Variants in AAMDC observed in about 807,000 individuals in gnomAD.
AAMDC encodes adipogenesis associated Mth938 domain containing.
AAMDC carries 16 observed loss-of-function variants against 15.5 expected under a neutral mutation model. The ratio of observed to expected loss-of-function variants is 1.03; its 90% CI spans 0.70 to 1.57. The LOEUF is 1.57. Among genes scored for constraint, AAMDC ranks in the 40% most tolerant of loss-of-function variants. AAMDC has a pLI of 0.00. For missense variants in AAMDC, 141 were observed against 144.9 expected, an observed-to-expected ratio of 0.97 and a Z score of 0.14; for synonymous variants, 51 against 51.6, an observed-to-expected ratio of 0.99 and a Z score of 0.05.
intron 5 of AAMDC, among the ~76,000 whole-genome samples, chr11:77,880,485 C>A (rs1951750247): frequency 6.6e-6 from 1 of 152,184 alleles, no homozygotes; most frequent in African/African-American, 2.4e-5. Flanking sequence ...CATGCAGCAG[C>A]CATGAGTGTA....
chr11:77,843,746 C>T (rs1950028049), intron 2 of AAMDC, among the ~76,000 whole-genome samples: 1 of 152,218 alleles, frequency 6.6e-6, no homozygotes, highest in South Asian at 2.1e-4. Flanking sequence ...TGTATTAATT[C>T]ATTTTCATTA....
intron 1 of AAMDC, among the ~76,000 whole-genome samples, chr11:77,828,390 G>A (rs111422202): frequency 0.031 from 4,642 of 152,016 alleles, 97 homozygotes; most frequent in Non-Finnish European, 0.044. Context: ...AATTATAGCC[G>A]GGTGCGGTGG....
chr11:77,849,746 T>G (rs891788304), intron 2 of AAMDC, among the ~76,000 whole-genome samples: 1 of 152,252 alleles, frequency 6.6e-6, no homozygotes. Context: ...TCTTTTTATC[T>G]TCCAAACCTG....
chr11:77,876,924 C>A, downstream of AAMDC: 3 of 702,610 alleles, frequency 4.3e-6, no homozygotes, highest in South Asian at 4.4e-5. Flanking sequence ...CAGGCAGCAG[C>A]CATGGTTCTT....
intron 5 of AAMDC, among the ~76,000 whole-genome samples, chr11:77,889,832 G>A (rs1238192531): frequency 2.0e-5 from 3 of 152,184 alleles, no homozygotes; most frequent in Non-Finnish European, 2.9e-5. Context: ...TTAGCCTTGC[G>A]TGTGGTAGAG....
At chr11:77,832,199 T>G (rs1421624007) in intron 1 of AAMDC, among the ~76,000 whole-genome samples, 6 of 152,174 alleles carry the variant, frequency 3.9e-5, no homozygotes, top group Non-Finnish European at 7.3e-5. Context: ...GTACTTACAA[T>G]TATAGGTTTG....
At chr11:77,873,706 T>C (rs139309631), downstream of AAMDC, among the ~76,000 whole-genome samples, 1 of 152,348 alleles carries the variant, frequency 6.6e-6, no homozygotes, top group African/African-American at 2.4e-5. Flanking sequence ...AAGAAAAGAC[T>C]AATTTATCCC....
intron 2 of AAMDC, among the ~76,000 whole-genome samples, chr11:77,856,236 C>T (rs887098491): frequency 6.6e-6 from 1 of 152,234 alleles, no homozygotes; most frequent in African/African-American, 2.4e-5. Context: ...AAGCATAGCA[C>T]AAGTAACCTT....
Position 77,900,187 on chromosome 11 carries a change from C to T in AAMDC, c.329-384C>T, listed in dbSNP as rs1286568924. Among the ~76,000 whole-genome samples, 3 of 151,986 alleles carry T rather than the reference C, an allele frequency of 2.0e-5. No individual in the cohort carries two copies. The East Asian group carries it at 5.8e-4, about 29-fold the overall frequency. On this transcript the variant is annotated intron_variant, in intron 5 of 5. Coordinates refer to the AAMDC transcript ENST00000304716. The stretch of plus-strand genomic sequence containing the variant: ...TGATTTCGGCCCACTGCAACCTCCA[C>T]CTCCCAGGTTCTAAAGATTCTCCTG...
chr11:77,903,680 T>C (rs1344958477), downstream of AAMDC: 1 of 1,337,214 alleles, frequency 7.5e-7, no homozygotes, highest in African/African-American at 1.4e-5. Context: ...GCCTATCATT[T>C]GGGATTTACA....
At chr11:77,896,808 GA>G (rs557401311) in intron 5 of AAMDC, among the ~76,000 whole-genome samples, 67 of 142,448 alleles carry the variant, frequency 4.7e-4, no homozygotes, top group African/African-American at 5.4e-4. Context: ...AATAATGGAG[GA>G]AAAAAAAAAA....
intron 5 of AAMDC, among the ~76,000 whole-genome samples, chr11:77,882,088 A>G (rs934737683): frequency 2.0e-5 from 3 of 151,868 alleles, no homozygotes; most frequent in Non-Finnish European, 2.9e-5. Flanking sequence ...ACTTTTTTAT[A>G]TATCTATTGT....
chr11:77,864,573 C>A (rs1197926763), intron 2 of AAMDC, among the ~76,000 whole-genome samples: 1 of 152,158 alleles, frequency 6.6e-6, no homozygotes, highest in African/African-American at 2.4e-5. Flanking sequence ...GAAATAAACT[C>A]AGTGAGTCAA....
intron 3 of AAMDC, 24 bp from the exon 4 acceptor site, chr11:77,872,151 C>T: frequency 1.2e-6 from 2 of 1,606,484 alleles, no homozygotes; most frequent in South Asian, 1.1e-5. Flanking sequence ...CCCCTACTTA[C>T]TCATCTCTTT....
At chr11:77,850,771 C>T (rs1565205175) in intron 2 of AAMDC, 1 of 102,968 alleles carries the variant, frequency 9.7e-6, no homozygotes, top group African/African-American at 4.9e-5. Flanking sequence ...AACACACACA[C>T]ACATACACAC....
intron 1 of AAMDC, among the ~76,000 whole-genome samples, chr11:77,830,716 C>T (rs972807588): frequency 1.3e-5 from 2 of 151,984 alleles, no homozygotes; most frequent in Non-Finnish European, 2.9e-5. Flanking sequence ...TCTACAAAAA[C>T]ACATGTCAAT....
intron 5 of AAMDC, among the ~76,000 whole-genome samples, chr11:77,888,968 C>A (rs1015961829): frequency 2.0e-5 from 3 of 152,214 alleles, no homozygotes; most frequent in African/African-American, 7.2e-5. Context: ...CACTTTTACA[C>A]TGTTGGTGGG....
downstream of AAMDC, among the ~76,000 whole-genome samples, chr11:77,873,623 A>G (rs1274742849): frequency 6.6e-6 from 1 of 152,206 alleles, no homozygotes; most frequent in African/African-American, 2.4e-5. Context: ...GTTGTATGAG[A>G]GAAAGACAAA....
Position 77,886,226 on chromosome 11 carries a change from C to T in AAMDC, c.328+9177C>T, listed in dbSNP as rs545315967. On this transcript the variant is annotated intron_variant, in intron 5 of 5. Transcript: ENST00000304716. ...CTCAAAAAAAAGAAAAAAAAAATTC[C>T]CAGCATTCTCAGCAAAACTGTCCTT... Among the ~76,000 whole-genome samples, 10 of 152,074 alleles carry T rather than the reference C, an allele frequency of 6.6e-5. No homozygotes were observed. The South Asian group carries it at 2.1e-3, about 32-fold the overall frequency.
Sources: allele counts gnomAD v4.1 joint callset (sites outside exome capture counted in the v4.1 genomes callset), GRCh38; gene constraint gnomAD v4.1.1; transcripts MANE v1.5; gene names NCBI Gene and HGNC (gene_info 2026-07-23, HGNC 2026-07-21).